The following RARB variants were observed in gnomAD, a reference collection of about 807,000 sequenced individuals.
The protein encoded by RARB is HBV-activated protein.
Under a neutral mutation model 51.9 loss-of-function variants are expected in RARB, and 17 were observed. The ratio of observed to expected loss-of-function variants is 0.33; its 90% CI spans 0.22 to 0.49. The LOEUF is 0.49. Among genes scored for constraint, RARB ranks in the 20% least tolerant of loss-of-function variants. The pLI is 0.99. For synonymous variants in RARB, 215 were observed against 195.4 expected, an observed-to-expected ratio of 1.10 and a Z score of -0.84; for missense variants, 369 against 550.8, an observed-to-expected ratio of 0.67 and a Z score of 3.30.
chr3:24,860,892 A>G (rs955956659), intron 2 of RARB, among the ~76,000 whole-genome samples: 1 of 152,222 alleles, frequency 6.6e-6, no homozygotes, highest in African/African-American at 2.4e-5. Context: ...CTTAGTATAC[A>G]AGTAAACTTG....
At chr3:25,477,792 AC>A (rs1425357881) in intron 2 of RARB, among the ~76,000 whole-genome samples, 3 of 152,230 alleles carry the variant, frequency 2.0e-5, no homozygotes, top group Middle Eastern at 3.4e-3. Context: ...ATAGCATAAA[AC>A]TTTTTTATTT....
chr3:25,196,048 T>A (rs1190387622), intron 5 of RARB, among the ~76,000 whole-genome samples: 1 of 151,934 alleles, frequency 6.6e-6, no homozygotes, highest in South Asian at 2.1e-4. Context: ...TTATCAAGTA[T>A]CTCATTAATA....
chr3:25,293,418 A>G (rs1037526117), intron 5 of RARB, among the ~76,000 whole-genome samples: 3 of 151,972 alleles, frequency 2.0e-5, no homozygotes, highest in South Asian at 4.2e-4. Context: ...AAGCCCTCAA[A>G]CGTTCATTGT....
intron 5 of RARB, among the ~76,000 whole-genome samples, chr3:25,409,579 A>G (rs543366788): frequency 6.6e-6 from 1 of 152,298 alleles, no homozygotes; most frequent in African/African-American, 2.4e-5. Context: ...ATATAGGCCA[A>G]TAATACATTT....
intron 3 of RARB, among the ~76,000 whole-genome samples, chr3:25,126,507 A>G (rs1312805801): frequency 6.6e-6 from 1 of 152,070 alleles, no homozygotes; most frequent in African/African-American, 2.4e-5. Context: ...TCTTAAAACG[A>G]AGGATACGCT....
intron 3 of RARB, chr3:25,555,675 G>A (rs1263854726): frequency 6.6e-6 from 1 of 152,182 alleles, no homozygotes; most frequent in Non-Finnish European, 1.5e-5. Flanking sequence ...TTTCTTGGAT[G>A]TTAACTGCCT....
At chr3:24,947,276 T>C (rs956747987) in intron 2 of RARB, among the ~76,000 whole-genome samples, 4 of 152,260 alleles carry the variant, frequency 2.6e-5, no homozygotes, top group African/African-American at 9.6e-5. Context: ...CGTGAACCTA[T>C]ATAATATCTT....
intron 2 of RARB, among the ~76,000 whole-genome samples, chr3:25,038,697 T>C (rs1263125543): frequency 2.6e-5 from 4 of 152,186 alleles, no homozygotes; most frequent in African/African-American, 9.6e-5. Flanking sequence ...CATTTAAGTG[T>C]GGAAACTTGT....
chr3:25,248,102 G>A (rs927452596), intron 5 of RARB, among the ~76,000 whole-genome samples: 6 of 152,064 alleles, frequency 3.9e-5, no homozygotes, highest in Non-Finnish European at 7.4e-5. Flanking sequence ...CCTCTTGCTG[G>A]ACTGATCCTT....
chr3:25,342,626 C>T (rs1461315916), intron 5 of RARB, among the ~76,000 whole-genome samples: 1 of 152,182 alleles, frequency 6.6e-6, no homozygotes, highest in East Asian at 1.9e-4. Flanking sequence ...CCTATGCCTG[C>T]ACTAATTATT....
At chr3:25,158,419 C>T (rs1443605250) in intron 4 of RARB, among the ~76,000 whole-genome samples, 1 of 152,194 alleles carries the variant, frequency 6.6e-6, no homozygotes, top group Non-Finnish European at 1.5e-5. Context: ...GGCTTTCAAG[C>T]TGATCCTTGA....
At chr3:24,980,367 T>G (rs1017944479) in intron 2 of RARB, among the ~76,000 whole-genome samples, 11 of 152,224 alleles carry the variant, frequency 7.2e-5, no homozygotes, top group Non-Finnish European at 1.3e-4. Context: ...AAGGGTGTTT[T>G]CTAACTTGGT....
At chr3:25,033,411 G>A (rs780955092) in intron 2 of RARB, among the ~76,000 whole-genome samples, 5 of 152,202 alleles carry the variant, frequency 3.3e-5, no homozygotes, top group Non-Finnish European at 7.4e-5. Context: ...AAATGTGGGA[G>A]AGATGGTGAA....
intron 5 of RARB, among the ~76,000 whole-genome samples, chr3:25,402,206 T>C (rs184168119): frequency 1.3e-5 from 2 of 152,298 alleles, no homozygotes; most frequent in East Asian, 3.9e-4. Context: ...AGAATACAAT[T>C]TGAATTCCAA....
chr3:24,979,237 G>T (rs1696585760), intron 2 of RARB, among the ~76,000 whole-genome samples: 1 of 152,196 alleles, frequency 6.6e-6, no homozygotes, highest in Non-Finnish European at 1.5e-5. Context: ...TGTTGATTTG[G>T]GGTGGAAAGT....
intron 3 of RARB, among the ~76,000 whole-genome samples, chr3:25,064,541 A>G (rs909420580): frequency 6.6e-6 from 1 of 152,166 alleles, no homozygotes; most frequent in Non-Finnish European, 1.5e-5. Flanking sequence ...TGGCTTATGT[A>G]GCTAATTATT....
intron 5 of RARB, among the ~76,000 whole-genome samples, chr3:25,590,503 G>A (rs946529176): frequency 8.5e-5 from 13 of 152,076 alleles, no homozygotes; most frequent in African/African-American, 3.1e-4. Context: ...CATAAATATT[G>A]AGCATACTAA....
At chr3:25,089,508 A>G (rs1056296189) in intron 3 of RARB, among the ~76,000 whole-genome samples, 5 of 152,134 alleles carry the variant, frequency 3.3e-5, no homozygotes, top group African/African-American at 1.2e-4. Context: ...CCAAATTATG[A>G]AAAGAGTATG....
chr3:25,185,946 T>C (rs1700964493), intron 5 of RARB, among the ~76,000 whole-genome samples: 2 of 152,266 alleles, frequency 1.3e-5, no homozygotes, highest in African/African-American at 4.8e-5. Flanking sequence ...AGTTTTTCTG[T>C]CTTCACTTTA....
Sources: gnomAD v4.1 joint callset for allele counts (sites outside exome capture counted in the v4.1 genomes callset) on GRCh38, gnomAD v4.1.1 for gene constraint, MANE v1.5 for transcripts, NCBI Gene and HGNC (gene_info 2026-07-23, HGNC 2026-07-21) for gene names.